Variants in FOSL1 observed in about 807,000 individuals in gnomAD.
FOSL1 encodes FOS like 1, AP-1 transcription factor subunit.
In FOSL1, 14 loss-of-function variants were observed where a neutral mutation model predicts 24.9. That is an observed-to-expected ratio of 0.56 (90% CI 0.37 to 0.88). The LOEUF is 0.88. FOSL1 is among the 40% of genes least tolerant of loss of function. The pLI, the probability that FOSL1 is intolerant of heterozygous loss-of-function variation, is 0.00. For missense variants in FOSL1, 318 were observed against 359.8 expected, an observed-to-expected ratio of 0.88 and a Z score of 0.94; for synonymous variants, 133 against 145.1, an observed-to-expected ratio of 0.92 and a Z score of 0.60.
chr11:65,898,045 G>GTTTTTTTTTTTTTTTTTTTTTTTTTT (rs71036252), intron 1 of FOSL1, among the ~76,000 whole-genome samples: 1 of 101,838 alleles, frequency 9.8e-6, no homozygotes. Context: ...TTTCTTTTCT[G>GTTTTTTTTTTTTTTTTTTTTTTTTTT]TTTTTTTTTT....
At chr11:65,897,818 G>A (rs1392660693) in intron 1 of FOSL1, among the ~76,000 whole-genome samples, 1 of 152,036 alleles carries the variant, frequency 6.6e-6, no homozygotes, top group African/African-American at 2.4e-5. Context: ...TCTGGTAAGT[G>A]GCAGGTGCCC....
At position 65,900,226 on chromosome 11, in the gene FOSL1, T is replaced by G. The variant is rs958526021; in HGVS notation, c.99+15A>C. ...CGGTCCTCCCGTGGGACCACCGGCG[T>G]CGGGCCCCACTCACCTGCTGGGCTG... On this transcript the variant is annotated intron_variant, in intron 1 of 3. Transcript: ENST00000312562. The G allele has an allele frequency of 1.7e-6, 2 of 1,205,148 alleles. No individual in the cohort carries two copies. The highest frequency in any genetic ancestry group is 2.1e-6 in the Non-Finnish European group (2 of 961,768). The allele number at this position is 1,205,148 out of a possible 1,614,324, so 74.7% of individuals were successfully genotyped here.
intron 2 of FOSL1, 134 bp downstream of exon 2, chr11:65,896,674 TC>T (rs1860533751): frequency 1.5e-6 from 1 of 649,518 alleles, no homozygotes; most frequent in African/African-American, 1.8e-5. Context: ...CCTATCACTT[TC>T]AGCCTTGGGC....
chr11:65,892,957 G>A lies in FOSL1; in HGVS notation c.745C>T (p.Arg249Cys). The change falls in exon 4 of 4, where the codon CGC becomes TGC. Residue 249 changes from arginine (R) to cysteine (C), a missense_variant. Arg to Cys is a radical substitution (Grantham distance 180, BLOSUM62 -3). Transcript: ENST00000312562. Reference sequence around the variant, plus strand: ...TCTCCGCTGCTGCTGCTACTCTTGCGATGAGCTGAGGCACAAGGCTCAGGA... The same window carrying A: ...TCTCCGCTGCTGCTGCTACTCTTGCAATGAGCTGAGGCACAAGGCTCAGGA... ...STPEPCASAH[R>C]KSSSSSGDPS... 1.4e-5 allele frequency: 22 copies of A among 1,612,698 alleles called. No individual in the cohort carries two copies. The highest frequency in any genetic ancestry group is 1.6e-5 in the Non-Finnish European group (19 of 1,180,026).
At position 65,896,876 on chromosome 11, in the gene FOSL1, T is replaced by C; in HGVS notation, c.230A>G (p.Gln77Arg). Residue 77 changes from glutamine (Q) to arginine (R), a missense_variant, in exon 2 of 4, where the codon CAA becomes CGA. Physicochemically the swap from Gln to Arg is conservative, Grantham distance 43. Coordinates refer to ENST00000312562, the MANE Select transcript of FOSL1 (RefSeq NM_005438.5). Reference sequence around the variant, plus strand: ...GGCCCGGATGACTCCTGGCCGGGGTTGTGGGGGGCTGTACTGAGGGTAGGT... The same window carrying C: ...GGCCCGGATGACTCCTGGCCGGGGTCGTGGGGGGCTGTACTGAGGGTAGGT... ...PLTYPQYSPP[Q>R]PRPGVIRALG... is the part of the protein sequence containing the mutation. 1 of 1,613,772 alleles carries C rather than the reference T, an allele frequency of 6.2e-7. No homozygotes were observed. Among genetic ancestry groups the C allele is most frequent in the Non-Finnish European group, 8.5e-7 (1 of 1,179,774 alleles).
At chr11:65,899,854 T>C (rs1400756311) in intron 1 of FOSL1, among the ~76,000 whole-genome samples, 1 of 151,986 alleles carries the variant, frequency 6.6e-6, no homozygotes. Flanking sequence ...CAGCCCAGAC[T>C]CCAGATCCCA....
intron 1 of FOSL1, among the ~76,000 whole-genome samples, chr11:65,898,819 G>C (rs1264720998): frequency 6.6e-6 from 1 of 152,022 alleles, no homozygotes; most frequent in East Asian, 1.9e-4. Context: ...AATTAGTTGG[G>C]TGTGGTGGTG....
chr11:65,894,525 T>C (rs1269442031), intron 2 of FOSL1, among the ~76,000 whole-genome samples: 1 of 152,198 alleles, frequency 6.6e-6, no homozygotes, highest in African/African-American at 2.4e-5. Context: ...TCCTCTTCCA[T>C]GAGCTGTAAG....
intron 1 of FOSL1, among the ~76,000 whole-genome samples, chr11:65,897,345 CT>C (rs35205552): frequency 3.0e-4 from 44 of 145,034 alleles, no homozygotes; most frequent in East Asian, 2.0e-4. Context: ...TCTTTTTTTT[CT>C]TTTTTTTTTT....
chr11:65,894,271 C>A (rs1304280583), intron 2 of FOSL1, 150 bp from the exon 3 acceptor site: 2 of 620,752 alleles, frequency 3.2e-6, no homozygotes, highest in Non-Finnish European at 5.7e-6. Context: ...CAACCAGTTC[C>A]CTGCACTGAG....
In FOSL1 at chr11:65,892,650, G is replaced by A. The variant is rs568483244; in HGVS notation, c.*236C>T. 2 of 691,182 alleles carry A rather than the reference G, an allele frequency of 2.9e-6. No individual in the cohort carries two copies. The highest frequency in any genetic ancestry group is 4.0e-5 in the Admixed American group (2 of 49,556). 42.8% of individuals were successfully genotyped at this position (691,182 alleles called of 1,614,324 possible). ...CTCTGGCACAAATGGGAAATATTTT[G>A]TCTCTGATTTAGTGCAAATTGTGCT... On this transcript the variant is annotated 3_prime_UTR_variant, in exon 4 of 4. Transcript: ENST00000312562.
chr11:65,893,644 A>C (rs954689407), intron 3 of FOSL1, among the ~76,000 whole-genome samples: 5 of 152,094 alleles, frequency 3.3e-5, no homozygotes, highest in Non-Finnish European at 5.9e-5. Context: ...TACAAAAATT[A>C]GTCGGGTAGG....
chr11:65,900,194 CCA>C, intron 1 of FOSL1, 45 bp downstream of exon 1: 1 of 985,084 alleles, frequency 1.0e-6, no homozygotes, highest in Non-Finnish European at 1.3e-6. Context: ...CCCCGGCCTC[CCA>C]CGCGCGGTCC....
intron 1 of FOSL1, among the ~76,000 whole-genome samples, chr11:65,898,429 C>A (rs1322241375): frequency 6.6e-6 from 1 of 152,178 alleles, no homozygotes; most frequent in African/African-American, 2.4e-5. Flanking sequence ...AAGCAGTCCA[C>A]CCACCTCAGC....
Position 65,893,405 on chromosome 11 carries a change from G to T in FOSL1, c.406-109C>A. On this transcript the variant is annotated intron_variant, in intron 3 of 3. Transcript: ENST00000312562. The stretch of plus-strand genomic sequence containing the variant: ...GCTGGGGTTGGGCGGGGGGAGAGGG[G>T]GGGCAGTGGAGAGTCCCCAGCAAGT... 4 of 794,168 alleles carry T rather than the reference G, an allele frequency of 5.0e-6. No individual in the cohort carries two copies. The South Asian group carries it at 7.1e-5, about 14-fold the overall frequency. 49.2% of individuals were successfully genotyped at this position (794,168 alleles called of 1,614,324 possible). A position where few individuals can be genotyped will look rare whatever the true frequency, so the allele number is the denominator to read the frequency against.
Position 65,894,044 on chromosome 11 carries a change from C to G in FOSL1, c.375G>C (p.Arg125=). The change falls in exon 3 of 4, where the codon CGG becomes CGC. Residue 125 remains arginine, a synonymous_variant. Transcript: ENST00000312562. The stretch of plus-strand genomic sequence containing the variant: ...GCAGGAAGTCGGTCAGTTCCTTCCT[C>G]CGGTTCCTGCACTTGGCCGCAGCCA... ...NKLAAAKCRN[R]RKELTDFLQA... The G allele has an allele frequency of 1.9e-6, 3 of 1,610,296 alleles. No homozygotes were observed. The highest frequency in any genetic ancestry group is 1.7e-6 in the Non-Finnish European group (2 of 1,178,938).
chr11:65,894,410 C>T (rs1477845229), intron 2 of FOSL1, among the ~76,000 whole-genome samples: 2 of 152,168 alleles, frequency 1.3e-5, no homozygotes, highest in East Asian at 3.8e-4. Flanking sequence ...CTAAGATGCT[C>T]CTGCCTCCAG....
Position 65,894,106 on chromosome 11 carries a change from C to G in FOSL1, c.313G>C (p.Glu105Gln). The change falls in exon 3 of 4, where the codon GAG becomes CAG. Residue 105 changes from glutamate (E) to glutamine (Q), a missense_variant. By Grantham distance (29) the Glu-to-Gln change is conservative. Coordinates refer to ENST00000312562, the MANE Select transcript of FOSL1 (RefSeq NM_005438.5). ...RPCEQISPEE[E>Q]ERRRVRRERN... ...TCGCGCCTTACTCGGCGGCGCTCCT[C>G]TTCCTCCGGGCTGATCTGGGGGTGA... The G allele has an allele frequency of 1.9e-6, 3 of 1,606,596 alleles. No individual in the cohort carries two copies. Among genetic ancestry groups the G allele is most frequent in the Non-Finnish European group, 2.5e-6 (3 of 1,179,014 alleles).
In FOSL1 at chr11:65,900,320, TC is replaced by T. The variant is rs1443474824; in HGVS notation, c.19del (p.Glu7AsnfsTer38). 8.0e-7 allele frequency: 1 copy of T among 1,243,214 alleles called. No individual in the cohort carries two copies. The highest frequency in any genetic ancestry group is 1.0e-6 in the Non-Finnish European group (1 of 993,612). 77.0% of individuals were successfully genotyped at this position (1,243,214 alleles called of 1,614,324 possible). A position where few individuals can be genotyped will look rare whatever the true frequency, so the allele number is the denominator to read the frequency against. ...GCCGTTCCCGGAGCTCGGGCCGGGTTCCCCGAAGTCTCGGAACATGCCCGGG... is the reference window on the plus strand; with the variant it reads ...GCCGTTCCCGGAGCTCGGGCCGGGTTCCCGAAGTCTCGGAACATGCCCGGG... MFRDFGEPGPSSGNGGG... is the reference protein window; with the variant it reads MFRDFGXPGPSSGNGGG... On this transcript the variant is annotated frameshift_variant, in exon 1 of 4. Coordinates refer to ENST00000312562, the MANE Select transcript of FOSL1 (RefSeq NM_005438.5). LOFTEE classifies it high-confidence loss of function.
Sources: allele counts gnomAD v4.1 joint callset (sites outside exome capture counted in the v4.1 genomes callset), GRCh38; gene constraint gnomAD v4.1.1; transcripts MANE v1.5; gene names NCBI Gene and HGNC (gene_info 2026-07-23, HGNC 2026-07-21).